The following CNTN4 variants were observed in gnomAD, a reference collection of about 807,000 sequenced individuals.
The protein encoded by CNTN4 is contactin 4.
Under a neutral mutation model 122.5 loss-of-function variants are expected in CNTN4, and 77 were observed. That is an observed-to-expected ratio of 0.63 (90% confidence interval 0.52 to 0.76). CNTN4 has a LOEUF of 0.76. Ranked by LOEUF, CNTN4 falls within the 30% of genes least tolerant of loss-of-function variation. The pLI is 0.00. For synonymous variants in CNTN4, 512 were observed against 447.0 expected (o/e 1.15, Z -1.83); for missense variants, 1,256 against 1,259.1 (o/e 1.00, Z 0.04).
intron 2 of CNTN4, among the ~76,000 whole-genome samples, chr3:2,181,433 T>C (rs576577817): frequency 6.6e-6 from 1 of 152,160 alleles, no homozygotes; most frequent in South Asian, 2.1e-4. Flanking sequence ...CAAACGCCAG[T>C]AGAACGTATC....
chr3:2,774,236 G>A (rs916261020), intron 6 of CNTN4, among the ~76,000 whole-genome samples: 3 of 151,988 alleles, frequency 2.0e-5, no homozygotes, highest in Non-Finnish European at 4.4e-5. Flanking sequence ...ACCCCAGCCT[G>A]AGTGACAGAG....
At chr3:2,977,634 A>G (rs1693550576) in intron 13 of CNTN4, among the ~76,000 whole-genome samples, 1 of 152,084 alleles carries the variant, frequency 6.6e-6, no homozygotes, top group Non-Finnish European at 1.5e-5. Context: ...AGGCCCACAA[A>G]AGCAGAACCC....
chr3:2,593,232 G>A (rs948459593), intron 4 of CNTN4, among the ~76,000 whole-genome samples: 1 of 152,180 alleles, frequency 6.6e-6, no homozygotes, highest in Admixed American at 6.5e-5. Flanking sequence ...TATTTTGGTG[G>A]TTGTTGACTG....
At chr3:2,600,918 T>C (rs2081015267) in intron 4 of CNTN4, among the ~76,000 whole-genome samples, 2 of 152,206 alleles carry the variant, frequency 1.3e-5, no homozygotes, top group Admixed American at 6.5e-5. Flanking sequence ...TGGTATCTCA[T>C]TGTGGTTTTG....
chr3:2,301,466 T>C (rs2042517465), intron 2 of CNTN4, among the ~76,000 whole-genome samples: 1 of 152,226 alleles, frequency 6.6e-6, no homozygotes, highest in South Asian at 2.1e-4. Context: ...TAGCTGTAAA[T>C]GGTTCTGCTC....
intron 3 of CNTN4, among the ~76,000 whole-genome samples, chr3:2,550,506 T>A (rs561917086): frequency 2.0e-5 from 3 of 151,994 alleles, no homozygotes; most frequent in Non-Finnish European, 4.4e-5. Context: ...TTGGTGGGAG[T>A]GCAAACTAGT....
At chr3:2,945,408 A>G (rs2094665818) in intron 13 of CNTN4, among the ~76,000 whole-genome samples, 1 of 152,172 alleles carries the variant, frequency 6.6e-6, no homozygotes, top group African/African-American at 2.4e-5. Flanking sequence ...TCCTCCCCTC[A>G]AAAAGCAGAC....
At chr3:2,369,834 T>G (rs921300443) in intron 3 of CNTN4, among the ~76,000 whole-genome samples, 11 of 152,174 alleles carry the variant, frequency 7.2e-5, no homozygotes, top group African/African-American at 2.4e-4. Context: ...CAGCTGCCTT[T>G]CTTTTATCCA....
chr3:2,411,403 T>C (rs2047222283), intron 3 of CNTN4, among the ~76,000 whole-genome samples: 1 of 152,228 alleles, frequency 6.6e-6, no homozygotes, highest in Non-Finnish European at 1.5e-5. Flanking sequence ...TTGAGATGTT[T>C]ATTTAATAGA....
intron 4 of CNTN4, among the ~76,000 whole-genome samples, chr3:2,591,226 A>T (rs560676582): frequency 1.3e-5 from 2 of 152,214 alleles, no homozygotes; most frequent in African/African-American, 4.8e-5. Flanking sequence ...CAGATGTTCA[A>T]TAAATTTTTG....
intron 2 of CNTN4, among the ~76,000 whole-genome samples, chr3:2,193,441 A>G (rs1364136895): frequency 1.3e-5 from 2 of 152,190 alleles, no homozygotes; most frequent in Non-Finnish European, 2.9e-5. Flanking sequence ...AAGTATCACT[A>G]TAATGGAAGA....
intron 10 of CNTN4, among the ~76,000 whole-genome samples, chr3:2,893,467 A>G (rs921585086): frequency 2.0e-5 from 3 of 152,214 alleles, no homozygotes; most frequent in Admixed American, 6.5e-5. Context: ...GACAGAACTG[A>G]TATTGATACC....
chr3:3,009,665 C>T (rs188429995), intron 14 of CNTN4, among the ~76,000 whole-genome samples: 229 of 152,218 alleles, frequency 1.5e-3, no homozygotes, highest in African/African-American at 3.9e-3. Context: ...GATCTCCTGA[C>T]CTCGTGATCT....
At chr3:2,186,832 T>G (rs575496214) in intron 2 of CNTN4, among the ~76,000 whole-genome samples, 1 of 152,374 alleles carries the variant, frequency 6.6e-6, no homozygotes, top group Admixed American at 6.5e-5. Flanking sequence ...TATTAGCCTT[T>G]GTCAGATGAG....
chr3:2,943,055 C>A (rs1219349564), intron 13 of CNTN4, among the ~76,000 whole-genome samples: 1 of 151,960 alleles, frequency 6.6e-6, no homozygotes, highest in Non-Finnish European at 1.5e-5. Flanking sequence ...ATTGTGTGTC[C>A]CCAATCTAGA....
intron 6 of CNTN4, among the ~76,000 whole-genome samples, chr3:2,756,540 A>C (rs1340017715): frequency 6.6e-6 from 1 of 152,202 alleles, no homozygotes; most frequent in Admixed American, 6.5e-5. Flanking sequence ...AACAGACTAA[A>C]ACTGTAACTC....
intron 2 of CNTN4, among the ~76,000 whole-genome samples, chr3:2,222,006 C>G (rs1685513): frequency 0.3 from 45,192 of 151,912 alleles, 7,093 homozygotes; most frequent in African/African-American, 0.36. Flanking sequence ...CCTCAAAATG[C>G]TAAAATAGAG....
intron 2 of CNTN4, among the ~76,000 whole-genome samples, chr3:2,314,970 T>A (rs1196973700): frequency 1.3e-5 from 2 of 151,962 alleles, no homozygotes; most frequent in Non-Finnish European, 2.9e-5. Flanking sequence ...AAAAGAAAAA[T>A]TAATGCCCAC....
At chr3:2,881,082 G>A (rs1386312166) in intron 8 of CNTN4, among the ~76,000 whole-genome samples, 2 of 152,138 alleles carry the variant, frequency 1.3e-5, no homozygotes, top group East Asian at 1.9e-4. Flanking sequence ...TATTATGTTC[G>A]AGTTTGCACT....
Sources: gnomAD v4.1 joint callset for allele counts (sites outside exome capture counted in the v4.1 genomes callset) on GRCh38, gnomAD v4.1.1 for gene constraint, MANE v1.5 for transcripts, NCBI Gene and HGNC (gene_info 2026-07-23, HGNC 2026-07-21) for gene names.